Variants in COL21A1 observed in about 807,000 individuals in gnomAD.
The protein encoded by COL21A1 is collagen alpha-1(XXI) chain.
A neutral mutation model predicts 137.9 loss-of-function variants in COL21A1; 149 were observed. The observed-to-expected ratio is 1.08, with a 90% CI of 0.95 to 1.24. The LOEUF (loss-of-function observed/expected upper bound fraction) is 1.24, where lower values mean the gene tolerates loss of function less well. Among genes scored for constraint, COL21A1 ranks in the 50% most tolerant of loss-of-function variants. The probability of loss-of-function intolerance (pLI) is 0.00; values close to 1 mark genes in which losing one functional copy is unlikely to be tolerated. For missense variants in COL21A1, 1,167 were observed against 1,158.4 expected, an observed-to-expected ratio of 1.01 and a Z score of -0.11; for synonymous variants, 456 against 391.5, an observed-to-expected ratio of 1.16 and a Z score of -1.95.
rs1782725595 is a variant in COL21A1, at chr6:56,247,569, A to G, written c.-221T>C. 1 of 152,256 alleles carries G rather than the reference A, an allele frequency of 6.6e-6. No homozygotes were observed. The highest frequency in any genetic ancestry group is 1.5e-5 in the Non-Finnish European group (1 of 68,102). The allele number at this position is 152,256 out of a possible 1,614,324, so 9.4% of individuals were successfully genotyped here. A position where few individuals can be genotyped will look rare whatever the true frequency, so the allele number is the denominator to read the frequency against. Reference sequence around the variant, plus strand: ...GCCAGTGCAGAGCTCAGAGGCTCAGAAACTCGCTCTCAGCCCCCTGGAGGC... The same window carrying G: ...GCCAGTGCAGAGCTCAGAGGCTCAGGAACTCGCTCTCAGCCCCCTGGAGGC... On this transcript the variant is annotated 5_prime_UTR_variant, in exon 1 of 30. Coordinates refer to ENST00000244728, the MANE Select transcript of COL21A1 (RefSeq NM_030820.4).
At chr6:56,351,467 A>G (rs2152346948) in intron 1 of COL21A1, among the ~76,000 whole-genome samples, 1 of 152,320 alleles carries the variant, frequency 6.6e-6, no homozygotes, top group South Asian at 2.1e-4. Context: ...CTTTCTGGAC[A>G]GAGAACCAGT....
intron 10 of COL21A1, among the ~76,000 whole-genome samples, chr6:56,148,600 C>T (rs1028475696): frequency 1.3e-5 from 2 of 152,124 alleles, no homozygotes; most frequent in East Asian, 3.9e-4. Context: ...TTCCCAACAG[C>T]TCTTAAACTG....
chr6:56,221,274 A>G (rs1780813837), intron 1 of COL21A1, among the ~76,000 whole-genome samples: 1 of 152,172 alleles, frequency 6.6e-6, no homozygotes, highest in Non-Finnish European at 1.5e-5. Context: ...TAGTCAATAA[A>G]TAGAGGCTTT....
chr6:56,303,953 T>C (rs1033422235), intron 1 of COL21A1, among the ~76,000 whole-genome samples: 1 of 152,148 alleles, frequency 6.6e-6, no homozygotes, highest in African/African-American at 2.4e-5. Context: ...GGTTGTTGAG[T>C]TTTGTCAAAG....
At chr6:56,102,708 A>T (rs894661818) in intron 16 of COL21A1, among the ~76,000 whole-genome samples, 1 of 152,184 alleles carries the variant, frequency 6.6e-6, no homozygotes, top group African/African-American at 2.4e-5. Context: ...TTAGAAAAAA[A>T]TTCAACCATA....
chr6:56,060,668 C>A, intron 27 of COL21A1, 73 bp downstream of exon 27: 2 of 1,280,874 alleles, frequency 1.6e-6, no homozygotes, highest in Non-Finnish European at 2.2e-6. Flanking sequence ...ATATCCTCTA[C>A]AATATGTCCT....
intron 1 of COL21A1, among the ~76,000 whole-genome samples, chr6:56,302,523 T>C (rs1400774377): frequency 1.3e-5 from 2 of 152,062 alleles, no homozygotes; most frequent in Non-Finnish European, 2.9e-5. Context: ...TGCATAAATG[T>C]CTTCTTTTGA....
chr6:56,216,338 T>C (rs1360930659), intron 1 of COL21A1, among the ~76,000 whole-genome samples: 1 of 152,060 alleles, frequency 6.6e-6, no homozygotes, highest in Non-Finnish European at 1.5e-5. Flanking sequence ...TTTAGGAAAT[T>C]CATATTTTAG....
intron 1 of COL21A1, among the ~76,000 whole-genome samples, chr6:56,242,399 T>C: frequency 6.6e-6 from 1 of 152,178 alleles, no homozygotes; most frequent in Non-Finnish European, 1.5e-5. Flanking sequence ...ACATTTTACT[T>C]TGAATTAAAA....
intron 17 of COL21A1, among the ~76,000 whole-genome samples, chr6:56,078,725 C>T (rs116497164): frequency 1.0e-3 from 156 of 151,740 alleles, no homozygotes; most frequent in African/African-American, 3.7e-3. Flanking sequence ...TCAAATCATA[C>T]ATTGGAATTC....
intron 1 of COL21A1, among the ~76,000 whole-genome samples, chr6:56,188,763 A>G (rs970423171): frequency 6.6e-6 from 1 of 152,184 alleles, no homozygotes; most frequent in Non-Finnish European, 1.5e-5. Flanking sequence ...TCTGGGACAA[A>G]GCTTCCCTGG....
In COL21A1 at chr6:56,067,276, A is replaced by T; in HGVS notation, c.2127+19T>A. 1 of 1,602,892 alleles carries T rather than the reference A, an allele frequency of 6.2e-7. No individual in the cohort carries two copies. The highest frequency in any genetic ancestry group is 8.5e-7 in the Non-Finnish European group (1 of 1,172,944). ...CTGATTTTATTGCTCAGCCTACTAA[A>T]AAAAAGCAAACAACATACCTGAATA... On this transcript the variant is annotated intron_variant, in intron 23 of 29. Transcript: ENST00000244728.
At position 56,057,664 on chromosome 6, in the gene COL21A1, T is replaced by C. The variant is rs1441198745; in HGVS notation, c.2867A>G (p.Asn956Ser). The C allele has an allele frequency of 1.2e-6, 2 of 1,612,662 alleles. No homozygotes were observed. Among genetic ancestry groups the C allele is most frequent in the Non-Finnish European group, 1.7e-6 (2 of 1,179,462 alleles). The change falls in exon 30 of 30, where the codon AAC (asparagine) becomes AGC (serine). Residue 956 changes from asparagine to serine, a missense_variant. Physicochemically the swap from Asn to Ser is conservative, Grantham distance 46. Coordinates refer to ENST00000244728, the MANE Select transcript of COL21A1 (RefSeq NM_030820.4). ...ARRDPFRKGP[N>S]Y is the part of the protein sequence containing the mutation. ...TGAATGAGGCATCAGACACTAATAG[T>C]TTGGTCCTTTTCTGAACGGATCTCT... is the stretch of plus-strand genomic sequence containing the variant.
In COL21A1 at chr6:56,060,310, A is replaced by G. The variant is rs867248883; in HGVS notation, c.2408-92T>C. The G allele has an allele frequency of 5.7e-5, 59 of 1,028,186 alleles. No homozygotes were observed. In the African/African-American group the frequency reaches 8.7e-4, roughly 15 times the overall value. 63.7% of individuals were successfully genotyped at this position (1,028,186 alleles called of 1,614,324 possible). On this transcript the variant is annotated intron_variant, in intron 27 of 29. Coordinates refer to ENST00000244728, the MANE Select transcript of COL21A1 (RefSeq NM_030820.4). The stretch of plus-strand genomic sequence containing the variant: ...ATTTTTTTCAGTTTACAGAGAAAAA[A>G]CTACGAACATTGAATATGTGCATAT...
intron 10 of COL21A1, among the ~76,000 whole-genome samples, chr6:56,144,803 C>A (rs867628946): frequency 9.9e-5 from 15 of 152,148 alleles, no homozygotes; most frequent in Non-Finnish European, 1.5e-4. Flanking sequence ...AGTGGAAAGA[C>A]GATGAATTTG....
chr6:56,275,491 A>G, intron 1 of COL21A1, among the ~76,000 whole-genome samples: 1 of 152,226 alleles, frequency 6.6e-6, no homozygotes. Flanking sequence ...TCCGGAATTT[A>G]TAAGGATCTA....
intron 1 of COL21A1, among the ~76,000 whole-genome samples, chr6:56,193,049 G>T (rs557100144): frequency 6.6e-6 from 1 of 152,042 alleles, no homozygotes; most frequent in Non-Finnish European, 1.5e-5. Context: ...CACCATTCTC[G>T]GCAAACTATT....
rs552145352 is a variant in COL21A1, at chr6:56,060,630, G to A, written c.2407+111C>T. Reference sequence around the variant, plus strand: ...AGAAAAGTAGATGAGGCTTATAAATGTTATCTGTTTTCTTCTTCACCTCAC... The same window carrying A: ...AGAAAAGTAGATGAGGCTTATAAATATTATCTGTTTTCTTCTTCACCTCAC... On this transcript the variant is annotated intron_variant, in intron 27 of 29. Transcript: ENST00000244728. The A allele has an allele frequency of 8.4e-5, 62 of 737,824 alleles. No individual in the cohort carries two copies. In the East Asian group the frequency reaches 1.8e-3, roughly 21 times the overall value. The allele number at this position is 737,824 out of a possible 1,614,324, so 45.7% of individuals were successfully genotyped here. A position where few individuals can be genotyped will look rare whatever the true frequency, so the allele number is the denominator to read the frequency against.
At chr6:56,291,793 A>C (rs148241608) in intron 1 of COL21A1, among the ~76,000 whole-genome samples, 337 of 152,342 alleles carry the variant, frequency 2.2e-3, no homozygotes, top group African/African-American at 7.7e-3. Context: ...GCTTGGCAGC[A>C]ATCCCCATTT....
Sources: allele counts gnomAD v4.1 joint callset (sites outside exome capture counted in the v4.1 genomes callset), GRCh38; gene constraint gnomAD v4.1.1; transcripts MANE v1.5; gene names NCBI Gene and HGNC (gene_info 2026-07-23, HGNC 2026-07-21).